The following PPFIBP2 variants were observed in gnomAD, a reference collection of about 807,000 sequenced individuals.
The protein encoded by PPFIBP2 is liprin-beta-2.
PPFIBP2 carries 118 observed loss-of-function variants against 118.3 expected under a neutral mutation model. That is an observed-to-expected ratio of 1.00 (90% confidence interval 0.86 to 1.16). The LOEUF (loss-of-function observed/expected upper bound fraction) is 1.16. PPFIBP2 is among the 50% of genes most tolerant of loss of function. The pLI is 0.00. For missense variants in PPFIBP2, 1,195 were observed against 1,073.1 expected (o/e 1.11, Z -1.59); for synonymous variants, 414 against 397.4 (o/e 1.04, Z -0.50).
At chr11:7,665,391 T>A in the PPFIBP2 span, 2 of 1,580,002 alleles carry the variant, frequency 1.3e-6, no homozygotes, top group Admixed American at 3.8e-5. Context: ...GTGAAAATCA[T>A]GTCCTGGGTA....
At position 7,653,452 on chromosome 11, in the gene PPFIBP2, CACTT is replaced by C; in HGVS notation, c.*236_*239del. On this transcript the variant is annotated 3_prime_UTR_variant, in exon 24 of 24. Transcript: ENST00000299492. The stretch of plus-strand genomic sequence containing the variant: ...CCAAAGGTGGACTCAGGAGGAAAGA[CACTT>C]AAAGACACTTTTACATGTCTAGTAA... 3 of 1,497,308 alleles carry C rather than the reference CACTT, an allele frequency of 2.0e-6. No homozygotes were observed. The highest frequency in any genetic ancestry group is 2.7e-6 in the Non-Finnish European group (3 of 1,123,548). The allele number at this position is 1,497,308 out of a possible 1,614,324, so 92.8% of individuals were successfully genotyped here.
At chr11:7,561,346 G>A (rs749944466) in intron 2 of PPFIBP2, among the ~76,000 whole-genome samples, 9 of 152,194 alleles carry the variant, frequency 5.9e-5, no homozygotes, top group African/African-American at 9.7e-5. Context: ...GATTACAGGC[G>A]TGAGCCACCA....
chr11:7,604,976 A>G (rs565408408), intron 5 of PPFIBP2, among the ~76,000 whole-genome samples: 2 of 152,212 alleles, frequency 1.3e-5, no homozygotes, highest in East Asian at 1.9e-4. Context: ...ATCAAGTTGT[A>G]TGGGAATGTA....
At chr11:7,650,763 ACC>A in intron 21 of PPFIBP2, 75 bp from the exon 22 acceptor site, 2 of 1,515,568 alleles carry the variant, frequency 1.3e-6, no homozygotes, top group Non-Finnish European at 1.8e-6. Context: ...AGGGTTACTT[ACC>A]GGGGCTGACT....
At chr11:7,570,970 C>T (rs1426964069) in intron 3 of PPFIBP2, among the ~76,000 whole-genome samples, 7 of 152,192 alleles carry the variant, frequency 4.6e-5, no homozygotes, top group African/African-American at 1.2e-4. Context: ...TCAGTCTTGA[C>T]CTCTTGGGTT....
chr11:7,539,881 C>T (rs371516891), intron 1 of PPFIBP2, among the ~76,000 whole-genome samples: 3 of 152,226 alleles, frequency 2.0e-5, no homozygotes, highest in African/African-American at 7.2e-5. Context: ...GGGCAGGAGC[C>T]AGATATGGCC....
intron 23 of PPFIBP2, 106 bp downstream of exon 23, chr11:7,651,950 A>T (rs1854091286): frequency 1.8e-6 from 2 of 1,120,026 alleles, no homozygotes; most frequent in Non-Finnish European, 2.5e-6. Flanking sequence ...CGCAGCCTGG[A>T]CAAAGAGGAT....
intron 3 of PPFIBP2, among the ~76,000 whole-genome samples, chr11:7,584,804 C>A (rs1287800348): frequency 6.6e-6 from 1 of 152,092 alleles, no homozygotes; most frequent in Non-Finnish European, 1.5e-5. Context: ...AAAGGGGTTG[C>A]ATGTGAGTGG....
chr11:7,660,343 G>A (rs1324325159), downstream of PPFIBP2, among the ~76,000 whole-genome samples: 1 of 118,504 alleles, frequency 8.4e-6, no homozygotes, highest in African/African-American at 2.7e-5. Flanking sequence ...AATTTATTGA[G>A]AGTTTTTAGC....
chr11:7,625,620 C>G (rs1394945950), intron 7 of PPFIBP2, among the ~76,000 whole-genome samples, 157 bp from the exon 8 acceptor site: 1 of 152,244 alleles, frequency 6.6e-6, no homozygotes, highest in African/African-American at 2.4e-5. Context: ...CAGAGTTCCA[C>G]CTGTGGAGAG....
chr11:7,661,040 T>A (rs932387580), downstream of PPFIBP2, among the ~76,000 whole-genome samples: 1 of 152,048 alleles, frequency 6.6e-6, no homozygotes, highest in Non-Finnish European at 1.5e-5. Context: ...TTCTCTCTTT[T>A]TTTCTTTATT....
At chr11:7,591,060 C>G (rs888696192) in intron 3 of PPFIBP2, among the ~76,000 whole-genome samples, 4 of 152,254 alleles carry the variant, frequency 2.6e-5, no homozygotes, top group African/African-American at 4.8e-5. Flanking sequence ...GCTATAGAAT[C>G]TAGGTCATAC....
intron 2 of PPFIBP2, among the ~76,000 whole-genome samples, chr11:7,553,810 A>G (rs988138792): frequency 6.6e-6 from 1 of 152,162 alleles, no homozygotes; most frequent in African/African-American, 2.4e-5. Context: ...ATTTGATTCC[A>G]GGGCCATCTG....
intron 1 of PPFIBP2, among the ~76,000 whole-genome samples, chr11:7,534,770 C>G (rs1851052185): frequency 1.3e-5 from 2 of 152,204 alleles, no homozygotes; most frequent in South Asian, 4.1e-4. Context: ...CAAGGCTGGT[C>G]CATAAGCCAG....
intron 23 of PPFIBP2, among the ~76,000 whole-genome samples, chr11:7,652,245 A>C (rs1346538762): frequency 6.6e-6 from 1 of 152,222 alleles, no homozygotes; most frequent in Non-Finnish European, 1.5e-5. Context: ...TGATATAGGA[A>C]GTGCTTCCAA....
downstream of PPFIBP2, among the ~76,000 whole-genome samples, chr11:7,658,947 T>C (rs1854829046): frequency 9.4e-6 from 1 of 105,952 alleles, no homozygotes; most frequent in African/African-American, 3.4e-5. Flanking sequence ...AATGTCTTCT[T>C]TTGAGAAGTG....
At chr11:7,656,760 T>A (rs757430852), downstream of PPFIBP2, 3 of 1,289,690 alleles carry the variant, frequency 2.3e-6, no homozygotes, top group African/African-American at 1.5e-5. Context: ...GCTGAATGAC[T>A]CTCGCCTGCC....
chr11:7,551,912 G>A (rs1353908405), intron 2 of PPFIBP2, among the ~76,000 whole-genome samples: 2 of 152,334 alleles, frequency 1.3e-5, no homozygotes, highest in South Asian at 2.1e-4. Context: ...TCTGGGATGT[G>A]TGTGGAGAGA....
At chr11:7,540,962 C>T (rs1263837327) in intron 1 of PPFIBP2, among the ~76,000 whole-genome samples, 1 of 152,098 alleles carries the variant, frequency 6.6e-6, no homozygotes, top group African/African-American at 2.4e-5. Flanking sequence ...GAGGATGGGG[C>T]AGAGGTCTGC....
Sources: gnomAD v4.1 joint callset for allele counts (sites outside exome capture counted in the v4.1 genomes callset) on GRCh38, gnomAD v4.1.1 for gene constraint, MANE v1.5 for transcripts, NCBI Gene and HGNC (gene_info 2026-07-23, HGNC 2026-07-21) for gene names.